The following MYCBP2 variants were observed in gnomAD, a reference collection of about 807,000 sequenced individuals.
MYCBP2 encodes MYC binding protein 2.
Under a neutral mutation model 525.3 loss-of-function variants are expected in MYCBP2, and 120 were observed. The ratio of observed to expected loss-of-function variants is 0.23; its 90% confidence interval spans 0.20 to 0.27. The LOEUF (loss-of-function observed/expected upper bound fraction) is 0.27, where lower values mean the gene tolerates loss of function less well. Among genes scored for constraint, MYCBP2 ranks in the 10% least tolerant of loss-of-function variants. The pLI, the probability that MYCBP2 is intolerant of heterozygous loss-of-function variation, is 1.00. For missense variants in MYCBP2, 4,149 were observed against 5,657.1 expected, an observed-to-expected ratio of 0.73 and a Z score of 8.55; for synonymous variants, 1,894 against 1,955.8, an observed-to-expected ratio of 0.97 and a Z score of 0.83.
chr13:77,054,140 G>A (rs1425553080), intron 80 of MYCBP2, among the ~76,000 whole-genome samples: 2 of 152,146 alleles, frequency 1.3e-5, no homozygotes, highest in South Asian at 2.1e-4. Context: ...CAGCATGTGT[G>A]TATGGGGTTG....
chr13:77,326,987 A>C lies in MYCBP2; in HGVS notation c.-212T>G. On this transcript the variant is annotated 5_prime_UTR_variant, in exon 1 of 83. An upstream start codon of the reference 5' UTR is lost. Transcript: ENST00000544440. This position sits in a 1 kb window ranked among gnomAD's most constrained non-coding sequence, Gnocchi z 4.2. ...GCCCTCGCCGCTACTGGGGCCGCTC[A>C]TCTAACCCCGCCACCCCGGGAATGT... 2.2e-6 allele frequency: 1 copy of C among 459,950 alleles called. No homozygotes were observed. Among genetic ancestry groups the C allele is most frequent in the South Asian group, 6.2e-5 (1 of 16,096 alleles). 28.5% of individuals were successfully genotyped at this position (459,950 alleles called of 1,614,324 possible).
In MYCBP2 at chr13:77,098,519, C is replaced by G. The variant is rs755433168; in HGVS notation, c.8635G>C (p.Asp2879His). The change falls in exon 56 of 83, where the codon GAT (aspartate) becomes CAT (histidine). Residue 2879 changes from aspartate (D) to histidine (H), a missense_variant. Asp to His is a moderately conservative substitution (Grantham distance 81, BLOSUM62 -1). Coordinates refer to ENST00000544440, the MANE Select transcript of MYCBP2 (RefSeq NM_015057.5). Reference protein sequence around the residue: ...SKSDSYTLDPDTLRKKKMPLT... With the variant: ...SKSDSYTLDPHTLRKKKMPLT... ...GGCATTTTCTTCTTGCGGAGGGTAT[C>G]TGGATCAAGTGTGTAAGAGTCTGAT... is the stretch of plus-strand genomic sequence containing the variant. 1 of 1,613,722 alleles carries G rather than the reference C, an allele frequency of 6.2e-7. No homozygotes were observed. Among genetic ancestry groups the G allele is most frequent in the Non-Finnish European group, 8.5e-7 (1 of 1,179,830 alleles).
At chr13:77,194,299 A>T in intron 26 of MYCBP2, 55 bp from the exon 27 acceptor site, 2 of 1,284,994 alleles carry the variant, frequency 1.6e-6, no homozygotes, top group Non-Finnish European at 2.3e-6. Context: ...ATATCTGATG[A>T]ACAATGTGTT....
intron 55 of MYCBP2, among the ~76,000 whole-genome samples, chr13:77,108,619 T>C (rs965617801): frequency 6.6e-6 from 1 of 152,072 alleles, no homozygotes; most frequent in African/African-American, 2.4e-5. Flanking sequence ...AGAAGTGACA[T>C]CCTGAGAAAG....
At chr13:77,249,352 A>G (rs1411567894) in intron 15 of MYCBP2, among the ~76,000 whole-genome samples, 1 of 152,218 alleles carries the variant, frequency 6.6e-6, no homozygotes, top group East Asian at 1.9e-4. Context: ...ATATTCTGAT[A>G]TATTCAGTTT....
At chr13:77,288,079 T>C in intron 3 of MYCBP2, 82 bp downstream of exon 3, 1 of 1,345,316 alleles carries the variant, frequency 7.4e-7, no homozygotes, top group Non-Finnish European at 1.0e-6. Flanking sequence ...AAGCAAAGTA[T>C]TTTAGCAATG....
chr13:77,067,660 T>C lies in MYCBP2; in HGVS notation c.12376A>G (p.Thr4126Ala). Residue 4126 changes from threonine (T) to alanine (A), a missense_variant, in exon 71 of 83, where the codon ACC becomes GCC. By Grantham distance (58) the Thr-to-Ala change is moderately conservative. Transcript: ENST00000544440. The stretch of plus-strand genomic sequence containing the variant: ...GTACCAGCTGTTCCAGTGATGGTGG[T>C]TCCTTTGGCTTTTAGCTGTACAGTG... ...ALTVQLKAKG[T>A]TITGTAGTTV... 6.2e-7 allele frequency: 1 copy of C among 1,614,212 alleles called. No homozygotes were observed. Among genetic ancestry groups the C allele is most frequent in the Non-Finnish European group, 8.5e-7 (1 of 1,180,020 alleles).
At chr13:77,064,556 A>G in intron 73 of MYCBP2, 59 bp downstream of exon 73, 1 of 1,498,508 alleles carries the variant, frequency 6.7e-7, no homozygotes, top group East Asian at 2.5e-5. Flanking sequence ...TATTACTAAA[A>G]AAGAACACGC....
intron 55 of MYCBP2, among the ~76,000 whole-genome samples, chr13:77,106,136 C>T (rs2047813578): frequency 6.6e-6 from 1 of 152,136 alleles, no homozygotes. Context: ...AGAATCAAGG[C>T]ACCTGTCAAC....
At chr13:77,135,363 A>G (rs987782428) in intron 52 of MYCBP2, among the ~76,000 whole-genome samples, 1 of 152,268 alleles carries the variant, frequency 6.6e-6, no homozygotes, top group Admixed American at 6.5e-5. Context: ...TATAAGACAT[A>G]CAAAAGAAGA....
chr13:77,240,943 T>C, intron 17 of MYCBP2, among the ~76,000 whole-genome samples: 1 of 152,232 alleles, frequency 6.6e-6, no homozygotes. Flanking sequence ...ATAAAATTTA[T>C]GTACACCAAT....
intron 49 of MYCBP2, chr13:77,144,174 A>G: frequency 2.5e-6 from 1 of 405,504 alleles, no homozygotes; most frequent in South Asian, 3.0e-5. Context: ...GGGTAACAGC[A>G]GCGTGGAAGA....
intron 15 of MYCBP2, among the ~76,000 whole-genome samples, chr13:77,246,605 G>A (rs955124522): frequency 6.7e-6 from 1 of 149,340 alleles, no homozygotes; most frequent in African/African-American, 2.5e-5. Flanking sequence ...GGAAGAGGAG[G>A]AGGAGAAGAA....
chr13:77,236,302 A>G (rs1324010343), intron 17 of MYCBP2, among the ~76,000 whole-genome samples: 2 of 152,230 alleles, frequency 1.3e-5, no homozygotes, highest in East Asian at 3.8e-4. Flanking sequence ...AGGTTTAGAT[A>G]GAAGCTACAC....
chr13:77,201,672 A>T (rs2154269443), intron 26 of MYCBP2, among the ~76,000 whole-genome samples: 1 of 151,752 alleles, frequency 6.6e-6, no homozygotes, highest in South Asian at 2.1e-4. Flanking sequence ...ATGTAAAAGA[A>T]CAGAAATTAT....
chr13:77,262,177 T>C, intron 10 of MYCBP2, 48 bp from the exon 11 acceptor site: 2 of 1,462,294 alleles, frequency 1.4e-6, no homozygotes, highest in Non-Finnish European at 1.9e-6. Context: ...ATATGAAGAA[T>C]TCTAAATACA....
At chr13:77,161,097 A>G (rs1334250515) in intron 44 of MYCBP2, among the ~76,000 whole-genome samples, 2 of 152,160 alleles carry the variant, frequency 1.3e-5, no homozygotes, top group Non-Finnish European at 2.9e-5. Flanking sequence ...GTGGTATCCA[A>G]TGGGGCTCAC....
chr13:77,120,016 T>G (rs957193977), intron 55 of MYCBP2, among the ~76,000 whole-genome samples: 1 of 152,220 alleles, frequency 6.6e-6, no homozygotes, highest in African/African-American at 2.4e-5. Context: ...TTTATTTTAA[T>G]GATATTTTAA....
At chr13:77,300,004 G>T (rs1463943058) in intron 1 of MYCBP2, among the ~76,000 whole-genome samples, 1 of 152,072 alleles carries the variant, frequency 6.6e-6, no homozygotes, top group African/African-American at 2.4e-5. Context: ...TAGATCAATA[G>T]TTTCTCTATC....
Sources: allele counts gnomAD v4.1 joint callset (sites outside exome capture counted in the v4.1 genomes callset), GRCh38; gene constraint gnomAD v4.1.1; non-coding constraint Gnocchi (gnomAD v3.1); transcripts MANE v1.5; gene names NCBI Gene and HGNC (gene_info 2026-07-23, HGNC 2026-07-21).